Variants in RANBP2 observed in about 807,000 individuals in gnomAD.
The protein encoded by RANBP2 is RAN binding protein 2.
RANBP2 carries 57 observed loss-of-function variants against 303.6 expected under a neutral mutation model. The ratio of observed to expected loss-of-function variants is 0.19; its 90% CI spans 0.15 to 0.23. The LOEUF (loss-of-function observed/expected upper bound fraction) is 0.23. RANBP2 is among the 10% of genes least tolerant of loss of function. RANBP2 has a pLI of 1.00. For missense variants in RANBP2, 3,138 were observed against 3,780.8 expected (o/e 0.83, Z 4.46); for synonymous variants, 1,167 against 1,301.5 (o/e 0.90, Z 2.23).
the RANBP2 span, among the ~76,000 whole-genome samples, chr2:109,601,237 C>A: frequency 6.6e-6 from 1 of 152,192 alleles, no homozygotes; most frequent in Non-Finnish European, 1.5e-5. Context: ...GGTGACCAGC[C>A]CCATCCTTAA....
the RANBP2 span, chr2:108,930,875 T>C: frequency 1.4e-5 from 20 of 1,411,660 alleles, no homozygotes; most frequent in Middle Eastern, 2.0e-4. Context: ...ATGATCAGCA[T>C]TCCCATTTTA....
chr2:108,825,834 G>A, the RANBP2 span, among the ~76,000 whole-genome samples: 1 of 152,152 alleles, frequency 6.6e-6, no homozygotes, highest in African/African-American at 2.4e-5. Flanking sequence ...AACTGCTAAA[G>A]TGCCAGACTG....
At position 108,782,246 on chromosome 2, in the gene RANBP2, T is replaced by G. The variant is rs1169633735; in HGVS notation, c.8879T>G (p.Ile2960Ser). The G allele has an allele frequency of 6.2e-7, 1 of 1,614,162 alleles. No individual in the cohort carries two copies. Among genetic ancestry groups the G allele is most frequent in the Non-Finnish European group, 8.5e-7 (1 of 1,180,024 alleles). Residue 2960 changes from isoleucine to serine, a missense_variant, in exon 27 of 29, where the codon ATT becomes AGT. Ile to Ser is a moderately radical substitution (Grantham distance 142, BLOSUM62 -2). This residue lies in a region of RANBP2 where 68 missense variants were observed against 117.4 expected (regional missense o/e 0.58). Coordinates refer to ENST00000283195, the MANE Select transcript of RANBP2 (RefSeq NM_006267.5). ...WKERGVGDIK[I>S]LWHTMKNYYR... ...GAGCGCGGTGTTGGAGATATAAAGA[T>G]TCTTTGGCATACAATGAAGAATTAT... is the stretch of plus-strand genomic sequence containing the variant.
At chr2:109,228,056 C>T in the RANBP2 span, among the ~76,000 whole-genome samples, 3 of 152,168 alleles carry the variant, frequency 2.0e-5, no homozygotes, top group Non-Finnish European at 4.4e-5. Context: ...GATGCCCAGA[C>T]ACAGGTACGA....
the RANBP2 span, among the ~76,000 whole-genome samples, chr2:108,807,724 T>C: frequency 2.0e-5 from 3 of 152,142 alleles, no homozygotes; most frequent in Admixed American, 1.3e-4. Context: ...CTCAAGCGAT[T>C]CTCCTGCCTC....
chr2:108,863,549 C>T, the RANBP2 span, among the ~76,000 whole-genome samples: 1 of 152,128 alleles, frequency 6.6e-6, no homozygotes, highest in East Asian at 1.9e-4. Context: ...ATCATCAAGA[C>T]TTGGGGTTTT....
At chr2:109,394,820 T>C in the RANBP2 span, among the ~76,000 whole-genome samples, 53 of 152,350 alleles carry the variant, frequency 3.5e-4, no homozygotes, top group African/African-American at 1.3e-3. Context: ...GCCACCTGGC[T>C]TCCCTGCAGC....
the RANBP2 span, among the ~76,000 whole-genome samples, chr2:109,151,237 G>A: frequency 6.0e-4 from 91 of 152,264 alleles, no homozygotes; most frequent in African/African-American, 2.1e-3. Context: ...CTGTCTTCTT[G>A]TCCGAGGCTT....
chr2:109,443,770 A>G, the RANBP2 span, among the ~76,000 whole-genome samples: 1 of 152,248 alleles, frequency 6.6e-6, no homozygotes, highest in African/African-American at 2.4e-5. Context: ...TAAAGGTACA[A>G]GGAGAAATAA....
At chr2:109,411,522 C>T in the RANBP2 span, among the ~76,000 whole-genome samples, 1,201 of 152,312 alleles carry the variant, frequency 7.9e-3, 15 homozygotes, top group Non-Finnish European at 0.012. Context: ...CGTTTGCATC[C>T]GTAGCAACAG....
chr2:109,248,040 A>G, the RANBP2 span, among the ~76,000 whole-genome samples: 3 of 152,210 alleles, frequency 2.0e-5, no homozygotes, highest in African/African-American at 7.2e-5. Flanking sequence ...GCAACCTTGG[A>G]TGGAATATTC....
At chr2:109,458,945 C>T in the RANBP2 span, among the ~76,000 whole-genome samples, 6 of 152,288 alleles carry the variant, frequency 3.9e-5, no homozygotes, top group Admixed American at 1.3e-4. Flanking sequence ...TCACCATCAC[C>T]GTCCATCCTT....
chr2:109,359,677 C>G, the RANBP2 span, among the ~76,000 whole-genome samples: 84 of 152,246 alleles, frequency 5.5e-4, no homozygotes, highest in African/African-American at 1.8e-3. Flanking sequence ...TTTTTGAGCA[C>G]CAACATGATG....
At chr2:109,594,899 T>A in the RANBP2 span, 2 of 152,164 alleles carry the variant, frequency 1.3e-5, no homozygotes, top group African/African-American at 4.8e-5. Context: ...ATGTGTTTTT[T>A]TTTTTTGAGA....
At chr2:109,078,100 A>ATATATATATATATAGCGTGTG in the RANBP2 span, among the ~76,000 whole-genome samples, 1 of 70,006 alleles carries the variant, frequency 1.4e-5, no homozygotes, top group African/African-American at 5.0e-5. Context: ...ATATATATAT[A>ATATATATATATATAGCGTGTG]TATATATATA....
At chr2:109,376,384 T>C in the RANBP2 span, among the ~76,000 whole-genome samples, 3 of 152,142 alleles carry the variant, frequency 2.0e-5, no homozygotes, top group African/African-American at 7.2e-5. Flanking sequence ...TTGGAGAGAC[T>C]TGGGGGCGGG....
At chr2:109,002,219 C>A in the RANBP2 span, among the ~76,000 whole-genome samples, 1 of 152,232 alleles carries the variant, frequency 6.6e-6, no homozygotes, top group African/African-American at 2.4e-5. Flanking sequence ...AGAGGAGGAC[C>A]CAGGTTTCTG....
chr2:109,078,939 C>A, the RANBP2 span, among the ~76,000 whole-genome samples: 1 of 151,824 alleles, frequency 6.6e-6, no homozygotes, highest in African/African-American at 2.4e-5. Context: ...TGCAGTGAGC[C>A]GAGATCGCAC....
the RANBP2 span, among the ~76,000 whole-genome samples, chr2:109,397,098 CAG>C: frequency 6.6e-6 from 1 of 152,194 alleles, no homozygotes; most frequent in African/African-American, 2.4e-5. Context: ...TGTGCTGCTG[CAG>C]AGACCCTGTA....
Sources: allele counts gnomAD v4.1 joint callset (sites outside exome capture counted in the v4.1 genomes callset), GRCh38; gene constraint gnomAD v4.1.1; regional missense constraint gnomAD v4.1.1; transcripts MANE v1.5; gene names NCBI Gene and HGNC (gene_info 2026-07-23, HGNC 2026-07-21).